The following NSUN6 variants were observed in gnomAD, a reference collection of about 807,000 sequenced individuals.
NSUN6 encodes NOP2/Sun RNA methyltransferase 6.
In NSUN6, 64 loss-of-function variants were observed where a neutral mutation model predicts 58.0. That is an observed-to-expected ratio of 1.10 (90% confidence interval 0.90 to 1.36). The LOEUF (loss-of-function observed/expected upper bound fraction) is 1.36. NSUN6 is among the 40% of genes most tolerant of loss of function. The pLI is 0.00. For missense variants in NSUN6, 701 were observed against 550.1 expected, an observed-to-expected ratio of 1.27 and a Z score of -2.74; for synonymous variants, 231 against 193.9, an observed-to-expected ratio of 1.19 and a Z score of -1.59.
intron 2 of NSUN6, among the ~76,000 whole-genome samples, chr10:18,644,065 A>G (rs889721849): frequency 6.6e-6 from 1 of 152,344 alleles, no homozygotes; most frequent in Admixed American, 6.5e-5. Flanking sequence ...TTTTAAACGT[A>G]CAATTCAATG....
chr10:18,635,905 A>G (rs1564834727), intron 3 of NSUN6, among the ~76,000 whole-genome samples: 1 of 150,984 alleles, frequency 6.6e-6, no homozygotes, highest in Non-Finnish European at 1.5e-5. Context: ...ATCAAAATCG[A>G]GCATTACACT....
chr10:18,565,161 C>T (rs138806725), intron 8 of NSUN6, among the ~76,000 whole-genome samples: 184 of 151,190 alleles, frequency 1.2e-3, no homozygotes, highest in African/African-American at 4.2e-3. Flanking sequence ...TTCTCCATTT[C>T]ATTCCCTTTC....
chr10:18,554,265 G>T (rs1161673030), intron 8 of NSUN6, among the ~76,000 whole-genome samples: 2 of 151,188 alleles, frequency 1.3e-5, no homozygotes, highest in African/African-American at 4.9e-5. Context: ...GAATGGAATG[G>T]AATGTAGAAA....
At chr10:18,568,877 C>T (rs2056161308) in intron 8 of NSUN6, among the ~76,000 whole-genome samples, 1 of 147,800 alleles carries the variant, frequency 6.8e-6, no homozygotes, top group Non-Finnish European at 1.5e-5. Flanking sequence ...TCTCCACTCT[C>T]CATTCTGTTC....
intron 7 of NSUN6, among the ~76,000 whole-genome samples, chr10:18,589,672 A>C (rs2057305385): frequency 6.6e-6 from 1 of 152,234 alleles, no homozygotes; most frequent in Non-Finnish European, 1.5e-5. Context: ...TCCATAAGCA[A>C]AGGAGAAATA....
chr10:18,589,980 AAGACCCATCGGTGTGCTGTATTCGGG>A (rs1253350653), intron 7 of NSUN6, among the ~76,000 whole-genome samples: 1 of 152,198 alleles, frequency 6.6e-6, no homozygotes, highest in Non-Finnish European at 1.5e-5. Context: ...ATAAAGAGTC[AAGACCCATCGGTGTGCTGTATTCGGG>A]AGACCCATCT....
At chr10:18,630,390 G>C (rs1274875885) in intron 3 of NSUN6, among the ~76,000 whole-genome samples, 1 of 151,352 alleles carries the variant, frequency 6.6e-6, no homozygotes, top group African/African-American at 2.4e-5. Context: ...CAGAAGGCAA[G>C]AAATAACTAA....
chr10:18,644,576 C>T (rs143791550), intron 2 of NSUN6, among the ~76,000 whole-genome samples: 18,810 of 151,342 alleles, frequency 0.12, 1,380 homozygotes, highest in Middle Eastern at 0.23. Flanking sequence ...GTGGCTCATG[C>T]CTGTAATCCC....
intron 8 of NSUN6, among the ~76,000 whole-genome samples, chr10:18,560,765 G>T (rs1164308708): frequency 6.6e-6 from 1 of 150,874 alleles, no homozygotes; most frequent in Non-Finnish European, 1.5e-5. Context: ...ATAGAGAATG[G>T]AATGGAGATG....
intron 3 of NSUN6, among the ~76,000 whole-genome samples, chr10:18,625,252 G>A (rs551238263): frequency 2.6e-5 from 4 of 152,258 alleles, no homozygotes; most frequent in Non-Finnish European, 4.4e-5. Context: ...TAAACCTGAG[G>A]GCTGTCTTGG....
At chr10:18,621,929 G>T (rs1276607183) in intron 3 of NSUN6, among the ~76,000 whole-genome samples, 1 of 152,110 alleles carries the variant, frequency 6.6e-6, no homozygotes, top group Non-Finnish European at 1.5e-5. Flanking sequence ...ATACTTCTTT[G>T]CAGCAGGACT....
chr10:18,629,810 CT>C (rs2058963578), intron 3 of NSUN6, among the ~76,000 whole-genome samples: 1 of 146,132 alleles, frequency 6.8e-6, no homozygotes, highest in Non-Finnish European at 1.5e-5. Context: ...TAATGGGAGA[CT>C]TTAACACCCC....
intron 8 of NSUN6, among the ~76,000 whole-genome samples, chr10:18,579,299 T>C (rs886537082): frequency 6.6e-6 from 1 of 152,060 alleles, no homozygotes; most frequent in African/African-American, 2.4e-5. Context: ...GCCTCCTGAG[T>C]AGCTGGGACT....
chr10:18,582,797 C>CA (rs1311408103), intron 8 of NSUN6, among the ~76,000 whole-genome samples: 1 of 152,244 alleles, frequency 6.6e-6, no homozygotes, highest in Admixed American at 6.5e-5. Context: ...ATGCCCATGT[C>CA]AAAAAAGCTG....
intron 7 of NSUN6, among the ~76,000 whole-genome samples, chr10:18,588,786 G>A (rs547424315): frequency 1.3e-5 from 2 of 152,116 alleles, no homozygotes; most frequent in Non-Finnish European, 2.9e-5. Context: ...AAGATCAAAG[G>A]TATATAAATC....
intron 8 of NSUN6, among the ~76,000 whole-genome samples, chr10:18,554,176 AGAATGGAATGGAATGGG>A (rs1020478158): frequency 3.3e-5 from 5 of 151,216 alleles, no homozygotes; most frequent in Non-Finnish European, 7.4e-5. Flanking sequence ...AATGGAATCA[AGAATGGAATGGAATGGG>A]GAATGGAATG....
intron 9 of NSUN6, among the ~76,000 whole-genome samples, chr10:18,549,131 C>T (rs369249790): frequency 6.6e-6 from 1 of 152,200 alleles, no homozygotes; most frequent in East Asian, 1.9e-4. Context: ...CTCACATGTC[C>T]TCCATGATCA....
At chr10:18,556,645 G>T (rs2055047331) in intron 8 of NSUN6, among the ~76,000 whole-genome samples, 1 of 151,292 alleles carries the variant, frequency 6.6e-6, no homozygotes, top group Admixed American at 6.6e-5. Context: ...GAACGGAATG[G>T]AGAATGGAGT....
intron 8 of NSUN6, among the ~76,000 whole-genome samples, chr10:18,585,583 C>T (rs2057093729): frequency 6.6e-6 from 1 of 152,138 alleles, no homozygotes; most frequent in African/African-American, 2.4e-5. Flanking sequence ...CACGATCTCA[C>T]TTAAGTGGGG....
Sources: allele counts gnomAD v4.1 joint callset (sites outside exome capture counted in the v4.1 genomes callset), GRCh38; gene constraint gnomAD v4.1.1; transcripts MANE v1.5; gene names NCBI Gene and HGNC (gene_info 2026-07-23, HGNC 2026-07-21).